ADAMTSL1: variants seen among roughly 807,000 people sequenced by gnomAD.
The protein encoded by ADAMTSL1 is ADAMTS like 1, also known as ADAMTS-like protein 1.
ADAMTSL1 carries 126 observed loss-of-function variants against 201.8 expected under a neutral mutation model. The ratio of observed to expected loss-of-function variants is 0.62; its 90% CI spans 0.54 to 0.72. The LOEUF (loss-of-function observed/expected upper bound fraction) is 0.72. Among genes scored for constraint, ADAMTSL1 ranks in the 30% least tolerant of loss-of-function variants. The pLI is 0.00. For missense variants in ADAMTSL1, 2,679 were observed against 2,277.8 expected, an observed-to-expected ratio of 1.18 and a Z score of -3.59; for synonymous variants, 1,121 against 903.4, an observed-to-expected ratio of 1.24 and a Z score of -4.32.
At chr9:18,257,265 G>GAGT (rs1831724171) in intron 2 of ADAMTSL1, among the ~76,000 whole-genome samples, 1 of 152,040 alleles carries the variant, frequency 6.6e-6, no homozygotes, top group South Asian at 2.1e-4. Flanking sequence ...AATTTATCAA[G>GAGT]AGTATCTTGC....
At chr9:18,498,047 AC>A (rs1822619736) in intron 1 of ADAMTSL1, among the ~76,000 whole-genome samples, 1 of 152,188 alleles carries the variant, frequency 6.6e-6, no homozygotes, top group East Asian at 1.9e-4. Context: ...GAAAAGCAAC[AC>A]CATTCATTGT....
chr9:18,030,435 A>C (rs1820901460), intron 1 of ADAMTSL1, among the ~76,000 whole-genome samples: 1 of 152,118 alleles, frequency 6.6e-6, no homozygotes, highest in Non-Finnish European at 1.5e-5. Context: ...ATTAGGAGGT[A>C]GATATACCTA....
At chr9:18,875,928 G>A (rs902261403) in intron 23 of ADAMTSL1, among the ~76,000 whole-genome samples, 1 of 151,902 alleles carries the variant, frequency 6.6e-6, no homozygotes, top group Non-Finnish European at 1.5e-5. Flanking sequence ...GGGAGCTCCA[G>A]TATTATGTGC....
chr9:18,594,777 G>A (rs530559432), intron 4 of ADAMTSL1, among the ~76,000 whole-genome samples: 16 of 152,194 alleles, frequency 1.1e-4, no homozygotes, highest in African/African-American at 3.9e-4. Context: ...TTGTCTGAGA[G>A]GTCACACCTC....
intron 1 of ADAMTSL1, among the ~76,000 whole-genome samples, chr9:18,018,710 A>T (rs1276343887): frequency 2.0e-5 from 3 of 152,092 alleles, no homozygotes; most frequent in African/African-American, 7.2e-5. Flanking sequence ...AGCCCCAGTC[A>T]TCAACTTAAC....
At position 18,205,835 on chromosome 9, in the gene ADAMTSL1, C is replaced by T. The variant is rs139004340; in HGVS notation, c.207+41854C>T. On this transcript the variant is annotated intron_variant, in intron 2 of 29. Coordinates refer to the ADAMTSL1 transcript ENST00000680146. Reference sequence around the variant, plus strand: ...TTGTGAGGCTGAGGTGAGTGGATCACCTGAGGTCAGGAGTTCGAGACCAGC... The same window carrying T: ...TTGTGAGGCTGAGGTGAGTGGATCATCTGAGGTCAGGAGTTCGAGACCAGC... 4.9e-3 allele frequency among the ~76,000 whole-genome samples: 739 copies of T among 152,060 alleles called. 5 individuals carry two copies. The highest frequency in any genetic ancestry group is 0.017 in the African/African-American group (702 of 41,474).
At chr9:18,813,662 A>AT (rs1823652219) in intron 20 of ADAMTSL1, among the ~76,000 whole-genome samples, 1 of 152,084 alleles carries the variant, frequency 6.6e-6, no homozygotes, top group South Asian at 2.1e-4. Context: ...TTGTTTGTTG[A>AT]TTTTAAATCC....
At chr9:18,757,512 G>T (rs1156662536) in intron 16 of ADAMTSL1, among the ~76,000 whole-genome samples, 1 of 152,050 alleles carries the variant, frequency 6.6e-6, no homozygotes, top group Non-Finnish European at 1.5e-5. Context: ...GTCTTGTTCA[G>T]GCCTTCATCC....
chr9:18,676,006 A>G (rs1385890428), intron 10 of ADAMTSL1, 99 bp downstream of exon 10: 3 of 1,185,548 alleles, frequency 2.5e-6, no homozygotes, highest in African/African-American at 1.5e-5. Context: ...GAGAGAGATT[A>G]TATGTTTTTA....
At chr9:18,870,312 G>A (rs932897932) in intron 23 of ADAMTSL1, among the ~76,000 whole-genome samples, 11 of 152,168 alleles carry the variant, frequency 7.2e-5, no homozygotes, top group Admixed American at 2.6e-4. Flanking sequence ...GAACATTATA[G>A]ATGTACGGAT....
intron 2 of ADAMTSL1, among the ~76,000 whole-genome samples, chr9:18,357,814 C>T (rs923916991): frequency 5.3e-5 from 8 of 151,902 alleles, no homozygotes; most frequent in African/African-American, 1.7e-4. Context: ...ATGCAGCCTC[C>T]ATCTCTATAT....
intron 1 of ADAMTSL1, among the ~76,000 whole-genome samples, chr9:17,989,257 G>A (rs551384704): frequency 3.3e-5 from 5 of 151,248 alleles, no homozygotes; most frequent in Non-Finnish European, 7.4e-5. Context: ...TCTTATGTTT[G>A]TGTGTTCAGA....
At chr9:18,732,938 A>G (rs1818298090) in intron 15 of ADAMTSL1, among the ~76,000 whole-genome samples, 1 of 152,200 alleles carries the variant, frequency 6.6e-6, no homozygotes, top group Non-Finnish European at 1.5e-5. Context: ...CCACAATTTT[A>G]TGAGAATGAT....
intron 3 of ADAMTSL1, among the ~76,000 whole-genome samples, chr9:18,569,855 C>T (rs1373792725): frequency 1.3e-5 from 2 of 152,034 alleles, no homozygotes; most frequent in African/African-American, 4.8e-5. Context: ...ATTCTTACCA[C>T]TAGGATATGA....
rs193225449 is a variant in ADAMTSL1 at position 18,886,057 on chromosome 9, C to T, written c.4250-1774C>T. ...ATCCTTGCACTTTGAGAGGCTGAGGCGAGCAGATCACTTGAGGCCAGGAGT... is the reference window on the plus strand; with the variant it reads ...ATCCTTGCACTTTGAGAGGCTGAGGTGAGCAGATCACTTGAGGCCAGGAGT... On this transcript the variant is annotated intron_variant, in intron 23 of 28. Transcript: ENST00000380548. 7.7e-4 allele frequency among the ~76,000 whole-genome samples: 117 copies of T among 151,114 alleles called. 2 individuals are homozygous for T. The highest frequency in any genetic ancestry group is 2.5e-3 in the African/African-American group (101 of 41,200).
intron 4 of ADAMTSL1, among the ~76,000 whole-genome samples, chr9:18,591,846 C>T (rs1050375185): frequency 2.0e-5 from 3 of 152,168 alleles, no homozygotes; most frequent in African/African-American, 7.2e-5. Flanking sequence ...CTGCATCCTG[C>T]TGGTTGTGGA....
rs747377051 is a variant in ADAMTSL1 at position 18,776,873 on chromosome 9, G to C, written c.2644G>C (p.Val882Leu). ...TCGCAGGCAGAGGAAGCTGCACTTC[G>C]TGGTGGGGGGCTTCGCCTACCTGCT... ...QTRRQRKLHF[V>L]VGGFAYLLPK... Residue 882 changes from valine to leucine, a missense_variant, in exon 19 of 29, where the codon GTG (valine) becomes CTG (leucine). Transcript: ENST00000380548. 2 of 1,611,192 alleles carry C rather than the reference G, an allele frequency of 1.2e-6. No homozygotes were observed. Among genetic ancestry groups the C allele is most frequent in the South Asian group, 1.1e-5 (1 of 90,660 alleles).
intron 1 of ADAMTSL1, among the ~76,000 whole-genome samples, chr9:18,026,030 T>G (rs1374826162): frequency 2.5e-4 from 38 of 151,924 alleles, no homozygotes. Context: ...ATTGCATCCT[T>G]GATTTGGCTT....
In ADAMTSL1 at chr9:18,674,259, A is replaced by G. The variant is rs1346167282; in HGVS notation, c.1086-1598A>G. Reference sequence around the variant, plus strand: ...CATGAAAATTTTCTCACACAAATGAATATAAAAAACTTATTTACACAAATA... The same window carrying G: ...CATGAAAATTTTCTCACACAAATGAGTATAAAAAACTTATTTACACAAATA... On this transcript the variant is annotated intron_variant, in intron 9 of 28. Coordinates refer to ENST00000380548, the MANE Select transcript of ADAMTSL1 (RefSeq NM_001040272.6). Among the ~76,000 whole-genome samples, 4 of 152,212 alleles carry G rather than the reference A, an allele frequency of 2.6e-5. No homozygotes were observed. In the East Asian group the frequency reaches 5.8e-4, roughly 22 times the overall value.
Sources: allele counts gnomAD v4.1 joint callset (sites outside exome capture counted in the v4.1 genomes callset), GRCh38; gene constraint gnomAD v4.1.1; transcripts MANE v1.5; gene names NCBI Gene and HGNC (gene_info 2026-07-23, HGNC 2026-07-21).